PCDHA11: variants seen among roughly 807,000 people sequenced by gnomAD.
PCDHA11 encodes the protein protocadherin alpha 11.
PCDHA11 carries 61 observed loss-of-function variants against 70.3 expected under a neutral mutation model. That is an observed-to-expected ratio of 0.87 (90% CI 0.71 to 1.07). The LOEUF (loss-of-function observed/expected upper bound fraction) is 1.07, where lower values mean the gene tolerates loss of function less well. Ranked by LOEUF, PCDHA11 falls within the 50% of genes least tolerant of loss-of-function variation. The probability of loss-of-function intolerance (pLI) is 0.00; values close to 1 mark genes in which losing one functional copy is unlikely to be tolerated. For missense variants in PCDHA11, 1,324 were observed against 1,237.5 expected, an observed-to-expected ratio of 1.07 and a Z score of -1.05; for synonymous variants, 633 against 555.1, an observed-to-expected ratio of 1.14 and a Z score of -1.97.
chr5:141,000,734 T>A (rs1221425075), intron 3 of PCDHA11, among the ~76,000 whole-genome samples: 4 of 150,588 alleles, frequency 2.7e-5, no homozygotes, highest in Non-Finnish European at 4.4e-5. Flanking sequence ...GGCCCCTATC[T>A]CTGTATATTA....
chr5:140,936,200 T>C (rs906256264), intron 1 of PCDHA11, among the ~76,000 whole-genome samples: 4 of 152,322 alleles, frequency 2.6e-5, no homozygotes, highest in African/African-American at 7.2e-5. Context: ...GCCAAAGTTG[T>C]CTTTTTTATT....
intron 1 of PCDHA11, among the ~76,000 whole-genome samples, chr5:140,933,480 G>A (rs1255769578): frequency 6.6e-6 from 1 of 151,846 alleles, no homozygotes; most frequent in East Asian, 1.9e-4. Context: ...ACACATTATG[G>A]TTATTCTTTA....
intron 1 of PCDHA11, among the ~76,000 whole-genome samples, chr5:140,874,638 C>A (rs2055040349): frequency 6.6e-6 from 1 of 152,272 alleles, no homozygotes; most frequent in South Asian, 2.1e-4. Context: ...AAGTGCTTTA[C>A]TTTTGCTAGA....
chr5:140,929,302 G>T, intron 1 of PCDHA11: 1 of 1,587,714 alleles, frequency 6.3e-7, no homozygotes, highest in Admixed American at 1.7e-5. Flanking sequence ...TAGGAAAGGG[G>T]ATCACGCTAA....
At position 140,966,988 on chromosome 5, in the gene PCDHA11, G is replaced by C. The variant is rs782004679; in HGVS notation, c.2392-11961G>C. 1.2e-5 allele frequency: 20 copies of C among 1,603,962 alleles called. No homozygotes were observed. The African/African-American group carries it at 2.1e-4, about 17-fold the overall frequency. Reference sequence around the variant, plus strand: ...GGCTTGAGCTGCGGCGCTTGGGGCCGGGTTGCTTGCGCATCAACCATCTGG... The same window carrying C: ...GGCTTGAGCTGCGGCGCTTGGGGCCCGGTTGCTTGCGCATCAACCATCTGG... On this transcript the variant is annotated intron_variant, in intron 1 of 3. Transcript: ENST00000398640.
At chr5:140,881,563 T>C (rs894982822) in intron 1 of PCDHA11, among the ~76,000 whole-genome samples, 4 of 152,232 alleles carry the variant, frequency 2.6e-5, no homozygotes, top group Non-Finnish European at 5.9e-5. Flanking sequence ...AAATATCTTA[T>C]CTACATCTCA....
chr5:140,888,210 T>G (rs1395913579), intron 1 of PCDHA11, among the ~76,000 whole-genome samples: 1 of 152,080 alleles, frequency 6.6e-6, no homozygotes, highest in East Asian at 1.9e-4. Context: ...ATGCTGGATT[T>G]TGTGTGTGTG....
intron 1 of PCDHA11, among the ~76,000 whole-genome samples, chr5:140,970,926 G>A (rs1179837731): frequency 6.6e-6 from 1 of 152,154 alleles, no homozygotes; most frequent in Non-Finnish European, 1.5e-5. Flanking sequence ...AGAAGTGCCT[G>A]GTGTTAGTCA....
At chr5:140,899,545 G>A (rs2067400002) in intron 1 of PCDHA11, among the ~76,000 whole-genome samples, 1 of 152,158 alleles carries the variant, frequency 6.6e-6, no homozygotes, top group African/African-American at 2.4e-5. Context: ...TGATCATGGT[G>A]GATAAGCTTT....
chr5:140,998,855 C>T (rs544471391), intron 3 of PCDHA11, among the ~76,000 whole-genome samples: 63 of 152,320 alleles, frequency 4.1e-4, no homozygotes, highest in Admixed American at 2.1e-3. Context: ...GAGCCACATG[C>T]CTGGCCTTGT....
intron 3 of PCDHA11, among the ~76,000 whole-genome samples, chr5:140,996,531 G>C (rs782175834): frequency 6.6e-6 from 1 of 152,146 alleles, no homozygotes; most frequent in Non-Finnish European, 1.5e-5. Context: ...GGCCCTGTGT[G>C]TTTTGATATT....
At chr5:140,926,961 G>A in intron 1 of PCDHA11, 1 of 1,604,688 alleles carries the variant, frequency 6.2e-7, no homozygotes, top group Non-Finnish European at 8.5e-7. Context: ...GACAGCTCGA[G>A]TACTCAGTGC....
intron 3 of PCDHA11, among the ~76,000 whole-genome samples, chr5:140,992,671 T>C (rs932477687): frequency 1.3e-5 from 2 of 152,116 alleles, no homozygotes; most frequent in African/African-American, 4.8e-5. Context: ...GGTGTGTATG[T>C]GTGTGTTAGG....
chr5:140,995,684 A>G (rs2097694657), intron 3 of PCDHA11, among the ~76,000 whole-genome samples: 1 of 152,144 alleles, frequency 6.6e-6, no homozygotes, highest in Non-Finnish European at 1.5e-5. Context: ...ATTTTTTTTA[A>G]TTGTTAAATA....
chr5:140,935,341 G>A (rs1318000398), intron 1 of PCDHA11, among the ~76,000 whole-genome samples: 5 of 152,046 alleles, frequency 3.3e-5, no homozygotes, highest in Non-Finnish European at 5.9e-5. Context: ...TCTCCCATAC[G>A]TCAAATCCCA....
chr5:141,002,059 G>A (rs983772482), intron 3 of PCDHA11, among the ~76,000 whole-genome samples: 1 of 152,242 alleles, frequency 6.6e-6, no homozygotes, highest in Non-Finnish European at 1.5e-5. Flanking sequence ...AGAGGCAGCA[G>A]CAGCCGCCAG....
At position 141,011,472 on chromosome 5, in the gene PCDHA11, C is replaced by T. The variant is rs1347341869; in HGVS notation, c.*1535C>T. 40 of 153,652 alleles carry T rather than the reference C, an allele frequency of 2.6e-4. No individual in the cohort carries two copies. The highest frequency in any genetic ancestry group is 9.4e-4 in the African/African-American group (39 of 41,410). 9.5% of individuals were successfully genotyped at this position (153,652 alleles called of 1,614,324 possible). On this transcript the variant is annotated 3_prime_UTR_variant, in exon 4 of 4. Transcript: ENST00000398640. Reference sequence around the variant, plus strand: ...TAAGCTTTATTGTTGAATGTAATTCCATTATATTTCCTTTTGTACACCTGT... The same window carrying T: ...TAAGCTTTATTGTTGAATGTAATTCTATTATATTTCCTTTTGTACACCTGT...
chr5:140,891,782 T>C (rs574840881), intron 1 of PCDHA11, among the ~76,000 whole-genome samples: 1 of 152,284 alleles, frequency 6.6e-6, no homozygotes, highest in African/African-American at 2.4e-5. Flanking sequence ...AGGAAATGTT[T>C]AGATTATGAG....
intron 1 of PCDHA11, among the ~76,000 whole-genome samples, chr5:140,964,058 A>C (rs147228403): frequency 1.4e-3 from 207 of 152,356 alleles, no homozygotes; most frequent in Admixed American, 4.3e-3. Flanking sequence ...TGGTGTGGTC[A>C]AGGCATTAGT....
Sources: gnomAD v4.1 joint callset for allele counts (sites outside exome capture counted in the v4.1 genomes callset) on GRCh38, gnomAD v4.1.1 for gene constraint, MANE v1.5 for transcripts, NCBI Gene and HGNC (gene_info 2026-07-23, HGNC 2026-07-21) for gene names.